The following PARD3B variants were observed in gnomAD, a reference collection of about 807,000 sequenced individuals.
PARD3B encodes par-3 family cell polarity regulator beta.
PARD3B carries 103 observed loss-of-function variants against 130.2 expected under a neutral mutation model. That is an observed-to-expected ratio of 0.79 (90% confidence interval 0.67 to 0.93). The LOEUF (loss-of-function observed/expected upper bound fraction) is 0.93. PARD3B is among the 40% of genes least tolerant of loss of function. The pLI is 0.00. For missense variants in PARD3B, 1,609 were observed against 1,499.2 expected, an observed-to-expected ratio of 1.07 and a Z score of -1.21; for synonymous variants, 583 against 553.2, an observed-to-expected ratio of 1.05 and a Z score of -0.76.
chr2:204,704,306 T>C (rs1249005571), intron 2 of PARD3B, among the ~76,000 whole-genome samples: 2 of 152,184 alleles, frequency 1.3e-5, no homozygotes, highest in African/African-American at 2.4e-5. Context: ...AATGTATCAG[T>C]ATATGTAAAG....
At chr2:205,578,460 C>T (rs1330769066) in intron 22 of PARD3B, among the ~76,000 whole-genome samples, 1 of 152,176 alleles carries the variant, frequency 6.6e-6, no homozygotes, top group African/African-American at 2.4e-5. Context: ...CTACAATCAC[C>T]TTGGCACCTG....
chr2:204,864,751 C>T (rs1463386981), intron 2 of PARD3B, among the ~76,000 whole-genome samples: 1 of 152,128 alleles, frequency 6.6e-6, no homozygotes, highest in Non-Finnish European at 1.5e-5. Flanking sequence ...GATTTTCTTA[C>T]CACCCTATAC....
At chr2:205,336,665 G>A (rs1054751637) in intron 18 of PARD3B, among the ~76,000 whole-genome samples, 5 of 152,180 alleles carry the variant, frequency 3.3e-5, no homozygotes, top group African/African-American at 4.8e-5. Context: ...GTTAGTTAAT[G>A]AGCCCTATTC....
Position 204,887,700 on chromosome 2 carries a change from A to G in PARD3B, c.223-77452A>G, listed in dbSNP as rs1044140004. Among the ~76,000 whole-genome samples, 1 of 152,092 alleles carries G rather than the reference A, an allele frequency of 6.6e-6. No individual in the cohort carries two copies. The highest frequency in any genetic ancestry group is 1.5e-5 in the Non-Finnish European group (1 of 68,030). On this transcript the variant is annotated intron_variant, in intron 2 of 22. Transcript: ENST00000406610. This position sits in a 1 kb window ranked among gnomAD's most constrained non-coding sequence, Gnocchi z 4.2. ...TTCATACCCTTTGGGTATTTTAGCA[A>G]TTTGAAATCACATCCCTTCCCTCAA...
At chr2:204,718,633 T>C (rs2038852683) in intron 2 of PARD3B, among the ~76,000 whole-genome samples, 1 of 152,212 alleles carries the variant, frequency 6.6e-6, no homozygotes, top group Admixed American at 6.5e-5. Context: ...ACTTTGCATG[T>C]GACCTCCATC....
chr2:204,681,666 C>G (rs2036841528), intron 1 of PARD3B, among the ~76,000 whole-genome samples: 1 of 152,076 alleles, frequency 6.6e-6, no homozygotes, highest in Non-Finnish European at 1.5e-5. Flanking sequence ...CTTGTTTTTC[C>G]CTGCACTGCT....
intron 1 of PARD3B, among the ~76,000 whole-genome samples, chr2:204,618,239 G>A (rs192518542): frequency 6.3e-4 from 96 of 152,218 alleles, no homozygotes; most frequent in African/African-American, 2.3e-3. Context: ...CATATAGAGG[G>A]AACAGTGTGC....
rs1451297735 is a variant in PARD3B at position 205,121,788 on chromosome 2, G to A, written c.1004G>A (p.Gly335Glu). 1 of 1,614,082 alleles carries A rather than the reference G, an allele frequency of 6.2e-7. No individual in the cohort carries two copies. Among genetic ancestry groups the A allele is most frequent in the Admixed American group, 1.7e-5 (1 of 59,988 alleles). Residue 335 changes from glycine to glutamate, a missense_variant, in exon 8 of 23, where the codon GGA becomes GAA. Gly to Glu is a moderately conservative substitution (Grantham distance 98). Transcript: ENST00000406610. This position sits in a 1 kb window ranked among gnomAD's most constrained non-coding sequence, Gnocchi z 5.0. The part of the protein sequence containing the change: ...KSGLKTANLT[G>E]TDSPETDASA... ...GGACTAAAGACAGCAAATCTCACAG[G>A]AACCGATAGTCCTGAAACAGATGCA...
chr2:204,764,715 C>CGTGTGTGTGTGTGTGTGTGTGT (rs10522212), intron 2 of PARD3B, among the ~76,000 whole-genome samples: 21 of 145,752 alleles, frequency 1.4e-4, no homozygotes, highest in Middle Eastern at 3.5e-3. Flanking sequence ...GGCATGCATG[C>CGTGTGTGTGTGTGTGTGTGTGT]GTGTGTGTGT....
At chr2:205,198,536 T>C (rs895039018) in intron 15 of PARD3B, among the ~76,000 whole-genome samples, 2 of 152,198 alleles carry the variant, frequency 1.3e-5, no homozygotes, top group African/African-American at 4.8e-5. Context: ...GAAATGTTTT[T>C]AGACACCCAC....
At chr2:205,162,198 A>G (rs562195010) in intron 11 of PARD3B, among the ~76,000 whole-genome samples, 1 of 152,360 alleles carries the variant, frequency 6.6e-6, no homozygotes, top group African/African-American at 2.4e-5. Flanking sequence ...AAAAACCAAC[A>G]GAACAATAAT....
intron 2 of PARD3B, among the ~76,000 whole-genome samples, chr2:204,938,972 T>C (rs1162265511): frequency 1.3e-5 from 2 of 152,128 alleles, no homozygotes; most frequent in Non-Finnish European, 2.9e-5. Flanking sequence ...ATACAAAACA[T>C]CACAGCTCCA....
chr2:205,386,961 G>T (rs1437585105), intron 18 of PARD3B, among the ~76,000 whole-genome samples: 6 of 151,976 alleles, frequency 3.9e-5, no homozygotes, highest in Non-Finnish European at 1.5e-5. Context: ...AAATGAAAAT[G>T]GAATATTTTT....
At position 205,229,873 on chromosome 2, in the gene PARD3B, C is replaced by A. The variant is rs930303573; in HGVS notation, c.2141-15905C>A. ...CTTGAGTCTGAGCTGGCACCAAGCC[C>A]CACTTTTCCCTCTTCTTTCCACAAG... On this transcript the variant is annotated intron_variant, in intron 15 of 22. Transcript: ENST00000406610. This position sits in a 1 kb window ranked among gnomAD's most constrained non-coding sequence, Gnocchi z 5.2. Among the ~76,000 whole-genome samples the A allele has an allele frequency of 1.3e-5, 2 of 151,784 alleles. No homozygotes were observed. The highest frequency in any genetic ancestry group is 1.5e-5 in the Non-Finnish European group (1 of 67,988).
chr2:204,963,207 A>G (rs1450231530), intron 2 of PARD3B, among the ~76,000 whole-genome samples: 1 of 152,226 alleles, frequency 6.6e-6, no homozygotes, highest in Non-Finnish European at 1.5e-5. Context: ...CTGTTCTACC[A>G]TTTGATAAAT....
chr2:205,342,027 A>G (rs1043997817), intron 18 of PARD3B, among the ~76,000 whole-genome samples: 2 of 152,086 alleles, frequency 1.3e-5, no homozygotes, highest in Non-Finnish European at 2.9e-5. Context: ...AAAATTACTC[A>G]TTGTTCCATC....
intron 2 of PARD3B, among the ~76,000 whole-genome samples, chr2:204,931,110 T>A (rs1052220194): frequency 6.6e-6 from 1 of 151,926 alleles, no homozygotes; most frequent in East Asian, 1.9e-4. Flanking sequence ...GAAAAAAAAA[T>A]GAATCAACCT....
At chr2:205,392,791 C>T (rs2043580894) in intron 18 of PARD3B, among the ~76,000 whole-genome samples, 1 of 152,138 alleles carries the variant, frequency 6.6e-6, no homozygotes, top group South Asian at 2.1e-4. Context: ...AGCATTTTGC[C>T]TCCCTCTTTA....
chr2:205,039,492 C>T (rs541501808), intron 3 of PARD3B, among the ~76,000 whole-genome samples: 5 of 151,950 alleles, frequency 3.3e-5, no homozygotes, highest in South Asian at 4.2e-4. Flanking sequence ...ATTTTTGAGA[C>T]GGAATCTCGC....
Sources: gnomAD v4.1 joint callset for allele counts (sites outside exome capture counted in the v4.1 genomes callset) on GRCh38, gnomAD v4.1.1 for gene constraint, Gnocchi (gnomAD v3.1) non-coding constraint, MANE v1.5 for transcripts, NCBI Gene and HGNC (gene_info 2026-07-23, HGNC 2026-07-21) for gene names.